TP53BP2: variants seen among roughly 807,000 people sequenced by gnomAD.
The protein encoded by TP53BP2 is tumor protein p53 binding protein 2, also known as apoptosis-stimulating of p53 protein 2.
A neutral mutation model predicts 126.2 loss-of-function variants in TP53BP2; 62 were observed. That is an observed-to-expected ratio of 0.49 (90% CI 0.40 to 0.61). TP53BP2 has a LOEUF of 0.61. Ranked by LOEUF, TP53BP2 falls within the 20% of genes least tolerant of loss-of-function variation. The pLI is 0.00. For missense variants in TP53BP2, 1,215 were observed against 1,402.8 expected, an observed-to-expected ratio of 0.87 and a Z score of 2.14; for synonymous variants, 485 against 502.9, an observed-to-expected ratio of 0.96 and a Z score of 0.48.
rs1374236578 is a variant in TP53BP2 at position 223,806,943 on chromosome 1, T to C, written c.377A>G (p.Asn126Ser). 3.1e-6 allele frequency: 5 copies of C among 1,609,900 alleles called. No homozygotes were observed. The highest frequency in any genetic ancestry group is 2.2e-5 in the East Asian group (1 of 44,586). ...GEYRRKENGV[N>S]SPRMDLTLAE... The stretch of plus-strand genomic sequence containing the variant: ...AAGAGTCAGATCCATCCTAGGACTA[T>C]TAACCTACAAGTAAAAACACAAATA... The change falls in exon 5 of 18, where the codon AAT becomes AGT. Residue 126 changes from asparagine (N) to serine (S), a missense_variant. Around this residue, in one of 4 missense-constraint regions of TP53BP2, gnomAD observed 814 missense variants for 853.0 expected, o/e 0.95. Coordinates refer to ENST00000343537, the MANE Select transcript of TP53BP2 (RefSeq NM_001031685.3).
chr1:223,806,174 A>G (rs1418818385), intron 5 of TP53BP2, among the ~76,000 whole-genome samples: 1 of 152,214 alleles, frequency 6.6e-6, no homozygotes, highest in South Asian at 2.1e-4. Context: ...AATCTATGGT[A>G]TGGTTATACC....
At chr1:223,793,494 C>G in intron 13 of TP53BP2, 54 bp from the exon 14 acceptor site, 1 of 1,439,820 alleles carries the variant, frequency 6.9e-7, no homozygotes, top group Non-Finnish European at 9.2e-7. Flanking sequence ...AAGAGAACAA[C>G]AGCAGCAAAT....
intron 9 of TP53BP2, among the ~76,000 whole-genome samples, chr1:223,801,700 T>C (rs752208920): frequency 6.6e-6 from 1 of 152,194 alleles, no homozygotes; most frequent in Non-Finnish European, 1.5e-5. Context: ...TAAGCAGATA[T>C]GAATATTTAA....
At chr1:223,801,054 C>T (rs974906005) in intron 9 of TP53BP2, among the ~76,000 whole-genome samples, 4 of 152,176 alleles carry the variant, frequency 2.6e-5, no homozygotes, top group Non-Finnish European at 5.9e-5. Context: ...ACACATTATT[C>T]TTCACTGTGT....
intron 15 of TP53BP2, 136 bp from the exon 16 acceptor site, chr1:223,789,310 A>G: frequency 1.0e-6 from 1 of 980,532 alleles, no homozygotes; most frequent in Non-Finnish European, 1.5e-6. Context: ...CAGTTTTTTA[A>G]AAACCAGTTC....
chr1:223,798,460 A>G lies in TP53BP2; in HGVS notation c.1703T>C (p.Val568Ala), dbSNP rs1224074379. ...RVLLSPSIPS[V>A]GQDQTLSPGS... ...TGGAGAAAGGGTCTGGTCTTGGCCA[A>G]CCGAAGGTATGCTGGGAGATAGCAG... The change falls in exon 12 of 18, where the codon GTT becomes GCT. Residue 568 changes from valine (V) to alanine (A), a missense_variant. Val to Ala is a moderately conservative substitution (Grantham distance 64, BLOSUM62 0). This residue lies in a region of TP53BP2 where 814 missense variants were observed against 853.0 expected (regional missense o/e 0.95). Coordinates refer to ENST00000343537, the MANE Select transcript of TP53BP2 (RefSeq NM_001031685.3). 3 of 1,614,146 alleles carry G rather than the reference A, an allele frequency of 1.9e-6. No homozygotes were observed. The highest frequency in any genetic ancestry group is 1.7e-6 in the Non-Finnish European group (2 of 1,180,018).
intron 1 of TP53BP2, among the ~76,000 whole-genome samples, chr1:223,837,919 C>T (rs867462361): frequency 5.1e-4 from 77 of 152,062 alleles, no homozygotes; most frequent in Admixed American, 1.4e-3. Context: ...CGAAGCCCTG[C>T]CCCGCCCCCG....
chr1:223,831,480 A>ATATAT (rs1553263390), intron 1 of TP53BP2, among the ~76,000 whole-genome samples: 153 of 32,196 alleles, frequency 4.8e-3, no homozygotes, highest in Non-Finnish European at 7.6e-3. Context: ...AAAAAAAAAA[A>ATATAT]ATATATATAT....
At chr1:223,802,043 AT>A (rs1311742861) in intron 9 of TP53BP2, 72 bp downstream of exon 9, 18 of 1,407,510 alleles carry the variant, frequency 1.3e-5, no homozygotes, top group South Asian at 5.2e-5. Context: ...ACAAAGAGAG[AT>A]TTTTTTTAAA....
rs1172377849 is a variant in TP53BP2, at chr1:223,828,036, A to T, written c.28-6669T>A. ...AAGCAGTTTTTATCAGCATGTTGAA[A>T]ATTTTACTTAGAAAAGAAATTTTAG... On this transcript the variant is annotated intron_variant, in intron 1 of 17. Coordinates refer to ENST00000343537, the MANE Select transcript of TP53BP2 (RefSeq NM_001031685.3). Among the ~76,000 whole-genome samples, 3 of 152,198 alleles carry T rather than the reference A, an allele frequency of 2.0e-5. No homozygotes were observed. The East Asian group carries it at 5.8e-4, about 29-fold the overall frequency.
intron 6 of TP53BP2, among the ~76,000 whole-genome samples, 156 bp from the exon 7 acceptor site, chr1:223,803,608 A>G (rs563712453): frequency 1.3e-5 from 2 of 152,382 alleles, no homozygotes; most frequent in South Asian, 4.1e-4. Context: ...AAGCAAGTGA[A>G]ATCAACAGAG....
chr1:223,800,163 C>T (rs891683817), intron 10 of TP53BP2, 116 bp from the exon 11 acceptor site: 9 of 1,090,800 alleles, frequency 8.3e-6, no homozygotes, highest in Non-Finnish European at 1.1e-5. Flanking sequence ...AAGCACGTTC[C>T]TATTTTTTAA....
Position 223,810,528 on chromosome 1 carries a change from C to A in TP53BP2, c.290-15G>T, listed in dbSNP as rs1438799600. The A allele has an allele frequency of 1.3e-6, 2 of 1,568,598 alleles. No homozygotes were observed. The highest frequency in any genetic ancestry group is 1.7e-6 in the Non-Finnish European group (2 of 1,150,088). On this transcript the variant is annotated splice_polypyrimidine_tract_variant and intron_variant, in intron 3 of 17. Coordinates refer to ENST00000343537, the MANE Select transcript of TP53BP2 (RefSeq NM_001031685.3). Reference sequence around the variant, plus strand: ...TGGTCCACTCACTAAGGACAAAATTCAAAAACTATGCATTAACACTAGAGT... The same window carrying A: ...TGGTCCACTCACTAAGGACAAAATTAAAAAACTATGCATTAACACTAGAGT...
chr1:223,798,658 G>C lies in TP53BP2; in HGVS notation c.1505C>G (p.Ala502Gly), dbSNP rs2102848387. 1 of 1,607,572 alleles carries C rather than the reference G, an allele frequency of 6.2e-7. No homozygotes were observed. Among genetic ancestry groups the C allele is most frequent in the Middle Eastern group, 1.7e-4 (1 of 5,816 alleles). ...TGTAGGAACAGGAGGTGGTACTTTA[G>C]CCACATTTTTATTTGCAACCTATAA... Reference protein sequence around the residue: ...RDAQVANKNVAKVPPPVPTKP... With the variant: ...RDAQVANKNVGKVPPPVPTKP... The change falls in exon 12 of 18, where the codon GCT (alanine) becomes GGT (glycine). Residue 502 changes from alanine to glycine, a missense_variant. This residue lies in a region of TP53BP2 where 814 missense variants were observed against 853.0 expected (regional missense o/e 0.95). Transcript: ENST00000343537.
At chr1:223,813,456 C>T (rs899627876) in intron 3 of TP53BP2, among the ~76,000 whole-genome samples, 1 of 152,138 alleles carries the variant, frequency 6.6e-6, no homozygotes, top group African/African-American at 2.4e-5. Context: ...AGACTCACAG[C>T]CTCTTAACTC....
At chr1:223,786,581 C>CGTGCGTGT (rs1553258005) in intron 16 of TP53BP2, among the ~76,000 whole-genome samples, 5 of 144,500 alleles carry the variant, frequency 3.5e-5, no homozygotes, top group South Asian at 2.2e-4. Context: ...TGCGTGTGTG[C>CGTGCGTGT]GTGTGTGTGT....
At chr1:223,827,101 A>G (rs1300209474) in intron 1 of TP53BP2, among the ~76,000 whole-genome samples, 3 of 152,264 alleles carry the variant, frequency 2.0e-5, no homozygotes, top group Admixed American at 2.0e-4. Flanking sequence ...ATTCAAACGG[A>G]GACATGAAGA....
At chr1:223,806,327 C>T (rs1478629119) in intron 5 of TP53BP2, among the ~76,000 whole-genome samples, 3 of 152,002 alleles carry the variant, frequency 2.0e-5, no homozygotes, top group Admixed American at 6.6e-5. Context: ...TCAGAAAGAT[C>T]TTGAACAATT....
intron 1 of TP53BP2, among the ~76,000 whole-genome samples, chr1:223,826,938 G>A (rs1008563569): frequency 2.0e-5 from 3 of 152,150 alleles, no homozygotes; most frequent in Non-Finnish European, 2.9e-5. Context: ...GACTCGCTTG[G>A]TGGACAGAAT....
Sources: allele counts gnomAD v4.1 joint callset (sites outside exome capture counted in the v4.1 genomes callset), GRCh38; gene constraint gnomAD v4.1.1; regional missense constraint gnomAD v4.1.1; transcripts MANE v1.5; gene names NCBI Gene and HGNC (gene_info 2026-07-23, HGNC 2026-07-21).